Variants in YTHDF2 observed in about 807,000 individuals in gnomAD.
The protein encoded by YTHDF2 is YTH domain-containing family protein 2.
YTHDF2 carries 2 observed loss-of-function variants against 50.4 expected under a neutral mutation model. That is an observed-to-expected ratio of 0.04 (90% CI 0.02 to 0.12). The LOEUF (loss-of-function observed/expected upper bound fraction) is 0.12, where lower values mean the gene tolerates loss of function less well. Among genes scored for constraint, YTHDF2 ranks in the 10% least tolerant of loss-of-function variants. The probability of loss-of-function intolerance (pLI) is 1.00; values close to 1 mark genes in which losing one functional copy is unlikely to be tolerated. For missense variants in YTHDF2, 483 were observed against 722.6 expected (o/e 0.67, Z 3.80); for synonymous variants, 217 against 255.6 (o/e 0.85, Z 1.44).
In YTHDF2 at chr1:28,742,821, C is replaced by G. The variant is rs1171861504; in HGVS notation, c.551C>G (p.Thr184Ser). Residue 184 changes from threonine (T) to serine (S), a missense_variant, in exon 4 of 5, where the codon ACT (threonine) becomes AGT (serine). Physicochemically the swap from Thr to Ser is moderately conservative, Grantham distance 58. This residue lies in a region of YTHDF2 where 385 missense variants were observed against 475.8 expected (regional missense o/e 0.81). Coordinates refer to ENST00000373812, the MANE Select transcript of YTHDF2 (RefSeq NM_016258.3). ...ETLNKAPGMNTIDQGMAALKL... is the reference protein window; with the variant it reads ...ETLNKAPGMNSIDQGMAALKL... ...CTCAATAAGGCTCCTGGCATGAATA[C>G]TATAGACCAAGGGATGGCAGCACTG... The G allele has an allele frequency of 9.3e-6, 15 of 1,614,006 alleles. No individual in the cohort carries two copies. Among genetic ancestry groups the G allele is most frequent in the African/African-American group, 2.7e-5 (2 of 74,874 alleles).
rs1188652425 is a variant in YTHDF2, at chr1:28,747,338, G to A, written c.1716+3352G>A. ...TGTAATCCCAGCACTTTGGGAGGCC[G>A]AGGCGAGCAGATCACGATGTCAGGA... is the stretch of plus-strand genomic sequence containing the variant. On this transcript the variant is annotated intron_variant, in intron 4 of 4. Transcript: ENST00000373812. Among the ~76,000 whole-genome samples the A allele has an allele frequency of 3.3e-5, 5 of 151,880 alleles. No homozygotes were observed. In the East Asian group the frequency reaches 9.8e-4, roughly 30 times the overall value.
intron 4 of YTHDF2, among the ~76,000 whole-genome samples, chr1:28,762,554 A>C (rs905705180): frequency 6.6e-6 from 1 of 152,192 alleles, no homozygotes; most frequent in Admixed American, 6.5e-5. Flanking sequence ...AGAGATAAAC[A>C]TTTACCAGAT....
chr1:28,748,376 T>C (rs899359263), intron 4 of YTHDF2, among the ~76,000 whole-genome samples: 1 of 152,206 alleles, frequency 6.6e-6, no homozygotes, highest in African/African-American at 2.4e-5. Context: ...GTGAAGTGTT[T>C]GTGTGTGTAC....
Position 28,743,950 on chromosome 1 carries a change from T to C in YTHDF2, c.1680T>C (p.Tyr560=). The C allele has an allele frequency of 6.4e-7, 1 of 1,562,238 alleles. No individual in the cohort carries two copies. Among genetic ancestry groups the C allele is most frequent in the South Asian group, 1.2e-5 (1 of 83,384 alleles). Residue 560 remains tyrosine, a synonymous_variant, in exon 4 of 5, where the codon TAT becomes TAC. Coordinates refer to ENST00000373812, the MANE Select transcript of YTHDF2 (RefSeq NM_016258.3). The surrounding 1 kb of genome is among the most constrained non-coding windows in gnomAD (Gnocchi z 6.9). ...CCATTTTTGATGACTTCTCACACTATGAGAAACGCCAAGAGGAAGAAGAAA... is the reference window on the plus strand; with the variant it reads ...CCATTTTTGATGACTTCTCACACTACGAGAAACGCCAAGAGGAAGAAGAAA... ...TTSIFDDFSH[Y]EKRQEEEESV...
chr1:28,743,629 C>T lies in YTHDF2; in HGVS notation c.1359C>T (p.Gly453=), dbSNP rs781426875. The T allele has an allele frequency of 1.2e-6, 2 of 1,614,140 alleles. No homozygotes were observed. The highest frequency in any genetic ancestry group is 1.7e-6 in the Non-Finnish European group (2 of 1,180,020). Residue 453 remains glycine (G), a synonymous_variant, in exon 4 of 5, where the codon GGC becomes GGT. Coordinates refer to ENST00000373812, the MANE Select transcript of YTHDF2 (RefSeq NM_016258.3). This position sits in a 1 kb window ranked among gnomAD's most constrained non-coding sequence, Gnocchi z 6.9. Reference sequence around the variant, plus strand: ...CTTATCGTTCCATGAACGGGAAAGGCCCCGTTTACTTACTTTTCAGTGTCA... The same window carrying T: ...CTTATCGTTCCATGAACGGGAAAGGTCCCGTTTACTTACTTTTCAGTGTCA... ...DAAYRSMNGK[G]PVYLLFSVNG...
chr1:28,753,704 C>CTTT (rs550956079), intron 4 of YTHDF2, among the ~76,000 whole-genome samples: 2 of 132,512 alleles, frequency 1.5e-5, no homozygotes, highest in Admixed American at 7.6e-5. Context: ...GGATTTTATT[C>CTTT]TTTTTTTTTT....
At chr1:28,759,560 A>G (rs2088084286) in intron 4 of YTHDF2, among the ~76,000 whole-genome samples, 1 of 152,190 alleles carries the variant, frequency 6.6e-6, no homozygotes, top group African/African-American at 2.4e-5. Context: ...TAGGATACCA[A>G]CCTGTACAGC....
At chr1:28,759,036 G>C (rs998909290) in intron 4 of YTHDF2, among the ~76,000 whole-genome samples, 1 of 152,152 alleles carries the variant, frequency 6.6e-6, no homozygotes, top group Non-Finnish European at 1.5e-5. Context: ...TGATTGAAGA[G>C]AAGTTTTTCA....
In YTHDF2 at chr1:28,743,064, C is replaced by T. The variant is rs766780461; in HGVS notation, c.794C>T (p.Pro265Leu). Residue 265 changes from proline to leucine, a missense_variant, in exon 4 of 5, where the codon CCG (proline) becomes CTG (leucine). Around this residue, in one of 4 missense-constraint regions of YTHDF2, gnomAD observed 385 missense variants for 475.8 expected, o/e 0.81. Transcript: ENST00000373812. This position sits in a 1 kb window ranked among gnomAD's most constrained non-coding sequence, Gnocchi z 6.9. ...AATGGCATTGCAGGGTCAAGTCTTC[C>T]GCCACCCCCGATAAAGCATAACATG... ...TKNGIAGSSL[P>L]PPPIKHNMDI... 2.2e-5 allele frequency: 36 copies of T among 1,614,036 alleles called. No individual in the cohort carries two copies. Among genetic ancestry groups the T allele is most frequent in the South Asian group, 6.6e-5 (6 of 91,080 alleles).
At chr1:28,756,118 C>G (rs1182847410) in intron 4 of YTHDF2, among the ~76,000 whole-genome samples, 1 of 152,148 alleles carries the variant, frequency 6.6e-6, no homozygotes, top group Non-Finnish European at 1.5e-5. Context: ...TTTGCAGAGT[C>G]GGTATCTTTC....
chr1:28,748,944 T>C (rs1202937560), intron 4 of YTHDF2, among the ~76,000 whole-genome samples: 1 of 152,190 alleles, frequency 6.6e-6, no homozygotes, highest in Non-Finnish European at 1.5e-5. Flanking sequence ...TGTATAAATA[T>C]TTACATCTGT....
At chr1:28,736,924 A>AT (rs2087696024), upstream of YTHDF2, 1 of 564,162 alleles carries the variant, frequency 1.8e-6, no homozygotes, top group African/African-American at 2.0e-5. Flanking sequence ...AGAGACGGGC[A>AT]TTGAGCTCTT....
At chr1:28,756,645 G>C (rs2088039636) in intron 4 of YTHDF2, among the ~76,000 whole-genome samples, 1 of 152,094 alleles carries the variant, frequency 6.6e-6, no homozygotes, top group East Asian at 1.9e-4. Flanking sequence ...AGAGGGATCT[G>C]TTTTGATATG....
intron 4 of YTHDF2, among the ~76,000 whole-genome samples, chr1:28,752,967 T>C: frequency 6.7e-6 from 1 of 150,078 alleles, no homozygotes; most frequent in East Asian, 2.0e-4. Flanking sequence ...ATTGCTTGAG[T>C]CCAGGAAATG....
intron 4 of YTHDF2, among the ~76,000 whole-genome samples, chr1:28,745,043 T>G (rs191811174): frequency 6.6e-6 from 1 of 152,174 alleles, no homozygotes; most frequent in South Asian, 2.1e-4. Flanking sequence ...TGTGTATTAG[T>G]GGTTGAGAGA....
chr1:28,745,966 G>A (rs1466609251), intron 4 of YTHDF2, among the ~76,000 whole-genome samples: 1 of 152,180 alleles, frequency 6.6e-6, no homozygotes, highest in Non-Finnish European at 1.5e-5. Flanking sequence ...TTGAGTCCAG[G>A]AGTTAGAGGT....
intron 4 of YTHDF2, among the ~76,000 whole-genome samples, chr1:28,757,339 GGTA>G (rs2088048604): frequency 6.6e-6 from 1 of 152,262 alleles, no homozygotes; most frequent in East Asian, 1.9e-4. Context: ...TAAAAGGATG[GGTA>G]GGAAAAGACA....
chr1:28,765,521 G>A (rs1004472921), intron 4 of YTHDF2, among the ~76,000 whole-genome samples: 2 of 152,046 alleles, frequency 1.3e-5, no homozygotes, highest in Non-Finnish European at 2.9e-5. Flanking sequence ...TAACTCCTGG[G>A]TTCAAGCTGT....
At chr1:28,758,138 G>A (rs490716) in intron 4 of YTHDF2, among the ~76,000 whole-genome samples, 92,438 of 151,956 alleles carry the variant, frequency 0.61, 29,186 homozygotes, top group African/African-American at 0.74. Flanking sequence ...GGGTGTGGTG[G>A]TTTACACCTG....
Sources: allele counts gnomAD v4.1 joint callset (sites outside exome capture counted in the v4.1 genomes callset), GRCh38; gene constraint gnomAD v4.1.1; regional missense constraint gnomAD v4.1.1; non-coding constraint Gnocchi (gnomAD v3.1); transcripts MANE v1.5; gene names NCBI Gene and HGNC (gene_info 2026-07-23, HGNC 2026-07-21).